ATP6V0A1: variants seen among roughly 807,000 people sequenced by gnomAD.
The protein encoded by ATP6V0A1 is ATPase H+ transporting V0 subunit a1.
Under a neutral mutation model 105.4 loss-of-function variants are expected in ATP6V0A1, and 43 were observed. The observed-to-expected ratio is 0.41, with a 90% CI of 0.32 to 0.53. The LOEUF (loss-of-function observed/expected upper bound fraction) is 0.53. Ranked by LOEUF, ATP6V0A1 falls within the 20% of genes least tolerant of loss-of-function variation. The pLI is 0.30. For synonymous variants in ATP6V0A1, 362 were observed against 372.8 expected (o/e 0.97, Z 0.33); for missense variants, 676 against 1,051.1 (o/e 0.64, Z 4.93).
chr17:42,487,688 A>G (rs2090237654), intron 10 of ATP6V0A1, among the ~76,000 whole-genome samples: 1 of 152,102 alleles, frequency 6.6e-6, no homozygotes, highest in Non-Finnish European at 1.5e-5. Context: ...AGATTGCGCC[A>G]CTGCATTCCA....
chr17:42,492,813 C>T (rs1347009140), intron 11 of ATP6V0A1, among the ~76,000 whole-genome samples: 5 of 150,726 alleles, frequency 3.3e-5, no homozygotes, highest in African/African-American at 7.3e-5. Context: ...GTCAGGAGTT[C>T]GAGACCAGCC....
At chr17:42,465,384 G>T (rs546464116) in intron 2 of ATP6V0A1, among the ~76,000 whole-genome samples, 1 of 151,268 alleles carries the variant, frequency 6.6e-6, no homozygotes, top group Non-Finnish European at 1.5e-5. Flanking sequence ...TCAGCTTCCC[G>T]GGTTCAAGCG....
Position 42,487,385 on chromosome 17 carries a change from A to G in ATP6V0A1, c.1023+18A>G, listed in dbSNP as rs1205115330. ...GGGGCACGGTGAGTCCCCAAAGCTA[A>G]CAATGCAGCTCGTGGCCCGGAAGAG... is the stretch of plus-strand genomic sequence containing the variant. On this transcript the variant is annotated intron_variant, in intron 10 of 21. Transcript: ENST00000343619. 2 of 1,610,970 alleles carry G rather than the reference A, an allele frequency of 1.2e-6. No individual in the cohort carries two copies. The highest frequency in any genetic ancestry group is 2.2e-5 in the East Asian group (1 of 44,872).
At chr17:42,501,168 T>G (rs1464504277) in intron 16 of ATP6V0A1, 29 bp from the exon 17 acceptor site, 2 of 1,559,722 alleles carry the variant, frequency 1.3e-6, no homozygotes, top group African/African-American at 2.7e-5. Context: ...TTTTATATGA[T>G]GTACCTTGTC....
chr17:42,478,388 T>C, intron 6 of ATP6V0A1, 75 bp from the exon 7 acceptor site: 1 of 1,117,806 alleles, frequency 8.9e-7, no homozygotes, highest in Non-Finnish European at 1.2e-6. Context: ...TAAATATAAA[T>C]AAAAAAGACT....
chr17:42,506,516 G>A lies in ATP6V0A1; in HGVS notation c.2005-1004G>A, dbSNP rs150245190. ...GGGCAGCTGCGCAGGCCTCCTGCAC[G>A]CTACTCATGCTGCTGCCCGAAGGCC... On this transcript the variant is annotated intron_variant, in intron 17 of 21. Transcript: ENST00000343619. Among the ~76,000 whole-genome samples the A allele has an allele frequency of 6.4e-4, 98 of 152,372 alleles. No individual in the cohort carries two copies. The Middle Eastern group carries it at 0.01, about 16-fold the overall frequency.
Position 42,495,715 on chromosome 17 carries a change from C to A in ATP6V0A1, c.1559C>A (p.Pro520Gln). The part of the protein sequence containing the change: ...FGGPYPFGID[P>Q]IWNIATNKLT... ...GGACCATACCCTTTTGGCATTGATC[C>A]AGTAAGAGGACTTCCTTCCTATATG... The change falls in exon 14 of 22, where the codon CCA becomes CAA. Residue 520 changes from proline to glutamine, a missense_variant and splice_region_variant. Pro to Gln is a moderately conservative substitution (Grantham distance 76, BLOSUM62 -1). Around this residue, in one of 3 missense-constraint regions of ATP6V0A1, gnomAD observed 435 missense variants for 642.2 expected, o/e 0.68. Coordinates refer to ENST00000343619, the MANE Select transcript of ATP6V0A1 (RefSeq NM_001130021.3). The A allele has an allele frequency of 1.2e-6, 2 of 1,611,132 alleles. No individual in the cohort carries two copies. Among genetic ancestry groups the A allele is most frequent in the South Asian group, 1.1e-5 (1 of 91,010 alleles).
chr17:42,459,895 A>G (rs556020863), intron 1 of ATP6V0A1, among the ~76,000 whole-genome samples: 1 of 152,346 alleles, frequency 6.6e-6, no homozygotes, highest in African/African-American at 2.4e-5. Context: ...AGTACTCAGT[A>G]TAGATGCCCT....
Position 42,521,254 on chromosome 17 carries a change from G to C in ATP6V0A1, c.*134G>C, listed in dbSNP as rs902575376. ...TGTCACCCTGTCTGTGAGTCATTTA[G>C]ATAGAATAGTCCTCCTTGGGTCTCC... On this transcript the variant is annotated 3_prime_UTR_variant, in exon 22 of 22. Coordinates refer to ENST00000343619, the MANE Select transcript of ATP6V0A1 (RefSeq NM_001130021.3). The surrounding 1 kb of genome is among the most constrained non-coding windows in gnomAD (Gnocchi z 4.8). The C allele has an allele frequency of 2.7e-6, 2 of 735,684 alleles. No homozygotes were observed. The highest frequency in any genetic ancestry group is 4.3e-6 in the Non-Finnish European group (2 of 465,820). The allele number at this position is 735,684 out of a possible 1,614,324, so 45.6% of individuals were successfully genotyped here.
chr17:42,518,471 C>G (rs556950708), intron 21 of ATP6V0A1: 2 of 152,346 alleles, frequency 1.3e-5, no homozygotes, highest in South Asian at 4.1e-4. Flanking sequence ...CTGAACGGCA[C>G]AGAGAGTGGC....
chr17:42,482,821 CA>C (rs1188738416), intron 8 of ATP6V0A1, among the ~76,000 whole-genome samples: 7 of 149,202 alleles, frequency 4.7e-5, no homozygotes, highest in African/African-American at 1.7e-4. Flanking sequence ...CACTTGAACC[CA>C]GGGGCAGAGG....
chr17:42,492,139 C>T (rs567840558), intron 11 of ATP6V0A1, among the ~76,000 whole-genome samples: 76 of 151,894 alleles, frequency 5.0e-4, no homozygotes, highest in African/African-American at 1.8e-3. Context: ...GAGGCTGAGG[C>T]ATGTGGATCA....
intron 12 of ATP6V0A1, 190 bp from the exon 13 acceptor site, chr17:42,494,844 A>G (rs1206707490): frequency 1.7e-6 from 1 of 594,268 alleles, no homozygotes; most frequent in East Asian, 2.9e-5. Flanking sequence ...AACCTAATAA[A>G]AAAATAGAGG....
chr17:42,513,053 A>G (rs1441443441), intron 19 of ATP6V0A1, among the ~76,000 whole-genome samples: 1 of 152,262 alleles, frequency 6.6e-6, no homozygotes, highest in African/African-American at 2.4e-5. Context: ...TTCACTCCCA[A>G]GAGCTTGTTC....
chr17:42,482,810 T>C (rs557061558), intron 8 of ATP6V0A1, among the ~76,000 whole-genome samples: 1 of 147,996 alleles, frequency 6.8e-6, no homozygotes, highest in African/African-American at 2.5e-5. Context: ...GGCAGAAGAA[T>C]CACTTGAACC....
chr17:42,495,836 C>G, intron 14 of ATP6V0A1, 120 bp downstream of exon 14: 2 of 873,706 alleles, frequency 2.3e-6, no homozygotes, highest in South Asian at 1.6e-5. Flanking sequence ...TCGCTCATGC[C>G]TGTAATCCCA....
In ATP6V0A1 at chr17:42,470,217, A is replaced by G; in HGVS notation, c.422A>G (p.Glu141Gly). ...ILRKTQQFFD[E>G]MADPDLLEES... Reference sequence around the variant, plus strand: ...CGCAAAACTCAGCAATTTTTTGATGAGGTCAGACTATTGTTTCTTTTAGTA... The same window carrying G: ...CGCAAAACTCAGCAATTTTTTGATGGGGTCAGACTATTGTTTCTTTTAGTA... Residue 141 changes from glutamate to glycine, a missense_variant and splice_region_variant, in exon 5 of 22, where the codon GAG becomes GGG. This residue lies in a region of ATP6V0A1 where 239 missense variants were observed against 388.4 expected (regional missense o/e 0.62). Coordinates refer to ENST00000343619, the MANE Select transcript of ATP6V0A1 (RefSeq NM_001130021.3). The G allele has an allele frequency of 1.2e-6, 2 of 1,612,756 alleles. No individual in the cohort carries two copies.
intron 5 of ATP6V0A1, 107 bp downstream of exon 5, chr17:42,470,325 T>C: frequency 7.5e-7 from 1 of 1,340,470 alleles, no homozygotes; most frequent in East Asian, 2.5e-5. Context: ...TTGGAAGCAA[T>C]GCCATTTTTG....
chr17:42,472,679 G>A (rs1008097863), intron 5 of ATP6V0A1, among the ~76,000 whole-genome samples: 1 of 151,904 alleles, frequency 6.6e-6, no homozygotes, highest in East Asian at 1.9e-4. Context: ...AGCTGAGATC[G>A]CACCACTGCA....
Sources: gnomAD v4.1 joint callset for allele counts (sites outside exome capture counted in the v4.1 genomes callset) on GRCh38, gnomAD v4.1.1 for gene constraint, gnomAD v4.1.1 regional missense constraint, Gnocchi (gnomAD v3.1) non-coding constraint, MANE v1.5 for transcripts, NCBI Gene and HGNC (gene_info 2026-07-23, HGNC 2026-07-21) for gene names.